ACTR3C: variants seen among roughly 807,000 people sequenced by gnomAD.
ACTR3C encodes the protein actin-related protein 3C.
In ACTR3C, 18 loss-of-function variants were observed where a neutral mutation model predicts 26.3. The ratio of observed to expected loss-of-function variants is 0.68; its 90% CI spans 0.47 to 1.01. The LOEUF (loss-of-function observed/expected upper bound fraction) is 1.01. Among genes scored for constraint, ACTR3C ranks in the 50% least tolerant of loss-of-function variants. The pLI is 0.00. For missense variants in ACTR3C, 184 were observed against 250.7 expected, an observed-to-expected ratio of 0.73 and a Z score of 1.80; for synonymous variants, 55 against 94.5, an observed-to-expected ratio of 0.58 and a Z score of 2.42.
chr7:150,017,570 G>C, the ACTR3C span, among the ~76,000 whole-genome samples: 1 of 150,034 alleles, frequency 6.7e-6, no homozygotes, highest in Admixed American at 6.6e-5. Context: ...ATCCTGCAGA[G>C]GAGCAAGGAA....
the ACTR3C span, among the ~76,000 whole-genome samples, chr7:150,227,695 TTTTTTG>T: frequency 9.0e-4 from 124 of 138,030 alleles, 5 homozygotes; most frequent in African/African-American, 3.7e-3. Flanking sequence ...TGGGTTTTTT[TTTTTTG>T]TTTTTTTTTT....
chr7:149,969,038 G>A, the ACTR3C span, among the ~76,000 whole-genome samples: 1 of 151,930 alleles, frequency 6.6e-6, no homozygotes, highest in South Asian at 2.1e-4. Flanking sequence ...TTCTCTCTGT[G>A]AGGTAGAACC....
chr7:149,984,393 G>A, the ACTR3C span, among the ~76,000 whole-genome samples: 4 of 151,978 alleles, frequency 2.6e-5, no homozygotes, highest in South Asian at 6.3e-4. Flanking sequence ...TAGTAGAGAC[G>A]GGGTTTCACC....
At chr7:150,016,628 C>G in the ACTR3C span, among the ~76,000 whole-genome samples, 2 of 152,032 alleles carry the variant, frequency 1.3e-5, no homozygotes, top group Non-Finnish European at 2.9e-5. Context: ...CTGCCTTACA[C>G]TTTGTGAGGT....
chr7:149,987,715 G>A, the ACTR3C span, among the ~76,000 whole-genome samples: 1 of 147,116 alleles, frequency 6.8e-6, no homozygotes, highest in Admixed American at 6.9e-5. Flanking sequence ...TTGCATACAG[G>A]TACCAAAACA....
the ACTR3C span, among the ~76,000 whole-genome samples, chr7:150,208,405 G>C: frequency 6.6e-6 from 1 of 152,146 alleles, no homozygotes; most frequent in East Asian, 1.9e-4. Context: ...AACCTGGAAG[G>C]ACTGGAGGCA....
chr7:150,082,102 G>C, the ACTR3C span, among the ~76,000 whole-genome samples: 1 of 152,194 alleles, frequency 6.6e-6, no homozygotes, highest in Non-Finnish European at 1.5e-5. Context: ...GAAAAGCCCA[G>C]ACAAGCTGGG....
At chr7:150,051,376 C>CCA in the ACTR3C span, among the ~76,000 whole-genome samples, 2,104 of 133,756 alleles carry the variant, frequency 0.016, 5 homozygotes, top group African/African-American at 0.033. Flanking sequence ...CTCCCCTTAT[C>CCA]CACACACACA....
At chr7:150,276,923 C>T (rs1467369567) in intron 6 of ACTR3C, among the ~76,000 whole-genome samples, 1 of 152,214 alleles carries the variant, frequency 6.6e-6, no homozygotes, top group Non-Finnish European at 1.5e-5. Context: ...GGGCACAGCA[C>T]CCAGTGATTT....
chr7:150,197,409 A>G, the ACTR3C span, among the ~76,000 whole-genome samples: 1 of 152,130 alleles, frequency 6.6e-6, no homozygotes, highest in Admixed American at 6.5e-5. Flanking sequence ...TTCAAACCCT[A>G]TTTCAGCCTG....
chr7:149,946,852 G>T, the ACTR3C span, among the ~76,000 whole-genome samples: 1 of 152,110 alleles, frequency 6.6e-6, no homozygotes, highest in Non-Finnish European at 1.5e-5. Context: ...AGTTTCAAGC[G>T]ATGCTGGGGA....
At chr7:150,059,154 A>T in the ACTR3C span, among the ~76,000 whole-genome samples, 1 of 152,158 alleles carries the variant, frequency 6.6e-6, no homozygotes, top group African/African-American at 2.4e-5. Context: ...TTGCACCAGG[A>T]TAGGTCGCTA....
the ACTR3C span, among the ~76,000 whole-genome samples, chr7:150,064,674 AC>A: frequency 6.6e-6 from 1 of 151,822 alleles, no homozygotes; most frequent in South Asian, 2.1e-4. Flanking sequence ...ACACACACAC[AC>A]ACACACACAC....
the ACTR3C span, among the ~76,000 whole-genome samples, chr7:150,042,055 G>A: frequency 4.0e-5 from 4 of 101,176 alleles, no homozygotes; most frequent in Admixed American, 1.1e-4. Flanking sequence ...GGGGTCCTAA[G>A]CCAGGGGGGG....
the ACTR3C span, among the ~76,000 whole-genome samples, chr7:150,080,891 T>C: frequency 3.3e-5 from 5 of 152,344 alleles, no homozygotes; most frequent in African/African-American, 9.6e-5. Flanking sequence ...GCAGAAGAAC[T>C]AATTTTGGGT....
At chr7:150,032,750 A>G in the ACTR3C span, among the ~76,000 whole-genome samples, 2 of 152,196 alleles carry the variant, frequency 1.3e-5, no homozygotes, top group African/African-American at 2.4e-5. Context: ...CTAAAGAACA[A>G]TAGGTTACTT....
At chr7:149,964,283 G>C in the ACTR3C span, among the ~76,000 whole-genome samples, 1 of 152,226 alleles carries the variant, frequency 6.6e-6, no homozygotes, top group Admixed American at 6.5e-5. Context: ...CCTTTAGGCA[G>C]TGGAAACCCA....
At chr7:150,073,803 A>G in the ACTR3C span, 1 of 152,182 alleles carries the variant, frequency 6.6e-6, no homozygotes, top group African/African-American at 2.4e-5. Context: ...CGAATTCATT[A>G]ATCAACAGAA....
At chr7:150,042,576 CGGG>C in the ACTR3C span, among the ~76,000 whole-genome samples, 1 of 141,784 alleles carries the variant, frequency 7.1e-6, no homozygotes, top group African/African-American at 2.9e-5. Context: ...CCCCGCCTCG[CGGG>C]GGGTGCCTCC....
Sources: allele counts gnomAD v4.1 joint callset (sites outside exome capture counted in the v4.1 genomes callset), GRCh38; gene constraint gnomAD v4.1.1; transcripts MANE v1.5; gene names NCBI Gene and HGNC (gene_info 2026-07-23, HGNC 2026-07-21).